Variants in PRKN observed in about 807,000 individuals in gnomAD.
PRKN encodes the protein E3 ubiquitin-protein ligase parkin.
In PRKN, 56 loss-of-function variants were observed where a neutral mutation model predicts 59.5. The observed-to-expected ratio is 0.94, with a 90% CI of 0.76 to 1.18. The LOEUF (loss-of-function observed/expected upper bound fraction) is 1.18, where lower values mean the gene tolerates loss of function less well. PRKN is among the 50% of genes most tolerant of loss of function. PRKN has a pLI of 0.00. For synonymous variants in PRKN, 250 were observed against 222.1 expected (o/e 1.13, Z -1.12); for missense variants, 657 against 596.4 (o/e 1.10, Z -1.06).
chr6:161,523,453 C>A (rs1177928639), intron 9 of PRKN, among the ~76,000 whole-genome samples: 20 of 152,158 alleles, frequency 1.3e-4, no homozygotes, highest in Admixed American at 1.3e-3. Flanking sequence ...AAAAGTGACA[C>A]AGTAGATTCA....
At chr6:161,745,680 T>C (rs1788384178) in intron 7 of PRKN, among the ~76,000 whole-genome samples, 1 of 152,122 alleles carries the variant, frequency 6.6e-6, no homozygotes, top group Non-Finnish European at 1.5e-5. Flanking sequence ...TGAAATCCAG[T>C]AGACTTTCCA....
rs991201332 is a variant in PRKN, at chr6:161,575,749, G to A, written c.872-6333C>T. Among the ~76,000 whole-genome samples, 2 of 152,160 alleles carry A rather than the reference G, an allele frequency of 1.3e-5. No individual in the cohort carries two copies. Among genetic ancestry groups the A allele is most frequent in the Admixed American group, 6.5e-5 (1 of 15,284 alleles). On this transcript the variant is annotated intron_variant, in intron 7 of 11. Coordinates refer to ENST00000366898, the MANE Select transcript of PRKN (RefSeq NM_004562.3). This position sits in a 1 kb window ranked among gnomAD's most constrained non-coding sequence, Gnocchi z 4.6. ...AATCTGCAATTTGCAGATTGCTGCT[G>A]TTTGGTGCGAAACGCTTTGAGGATT...
intron 1 of PRKN, among the ~76,000 whole-genome samples, chr6:162,583,423 G>C (rs1314971972): frequency 5.3e-5 from 8 of 152,260 alleles, no homozygotes; most frequent in African/African-American, 1.9e-4. Context: ...TTCATTCCTG[G>C]AGTCACTTTT....
chr6:162,516,982 G>A (rs1056700626), intron 1 of PRKN, among the ~76,000 whole-genome samples: 2 of 151,946 alleles, frequency 1.3e-5, no homozygotes, highest in Admixed American at 1.3e-4. Context: ...GTAAATAAAT[G>A]GATAAAAGAG....
intron 4 of PRKN, among the ~76,000 whole-genome samples, chr6:162,195,994 G>C (rs746126277): frequency 6.6e-6 from 1 of 152,130 alleles, no homozygotes; most frequent in Non-Finnish European, 1.5e-5. Flanking sequence ...TCTATAAAAA[G>C]CCTTACTATA....
intron 4 of PRKN, among the ~76,000 whole-genome samples, chr6:162,149,914 A>C (rs935371197): frequency 3.9e-5 from 6 of 152,188 alleles, no homozygotes; most frequent in Non-Finnish European, 8.8e-5. Context: ...TTCCTGATAA[A>C]TAAACCCCCA....
chr6:161,790,656 G>T (rs1790602347), intron 6 of PRKN, among the ~76,000 whole-genome samples: 1 of 152,100 alleles, frequency 6.6e-6, no homozygotes, highest in South Asian at 2.1e-4. Context: ...AGGAAGTGGG[G>T]ATCTCACCAG....
chr6:162,433,299 G>A lies in PRKN; in HGVS notation c.171+10011C>T, dbSNP rs187051028. 3.4e-4 allele frequency among the ~76,000 whole-genome samples: 51 copies of A among 152,210 alleles called. No individual in the cohort carries two copies. In the East Asian group the frequency reaches 9.7e-3, roughly 29 times the overall value. On this transcript the variant is annotated intron_variant, in intron 2 of 11. Coordinates refer to ENST00000366898, the MANE Select transcript of PRKN (RefSeq NM_004562.3). ...ATAGATCAGAAAAATAAAGACTGGA[G>A]AGCTTAAATGACTTGTCCTTCCCAG...
rs34342732 is a variant in PRKN, at chr6:161,497,554, GTCTCTC to G, written c.1083+51294_1083+51299del. Reference sequence around the variant, plus strand: ...CTGTGTGTGTGCACAGTGCTTACATGTCTCTCTCTCTCTCTCTCTCTCTCACACACA... The same window carrying G: ...CTGTGTGTGTGCACAGTGCTTACATGTCTCTCTCTCTCTCTCTCACACACA... On this transcript the variant is annotated intron_variant, in intron 9 of 11. Coordinates refer to ENST00000366898, the MANE Select transcript of PRKN (RefSeq NM_004562.3). The surrounding 1 kb of genome is among the most constrained non-coding windows in gnomAD (Gnocchi z 4.6). 0.11 allele frequency among the ~76,000 whole-genome samples: 15,781 copies of G among 148,604 alleles called. 1,080 individuals carry two copies. The highest frequency in any genetic ancestry group is 0.2 in the African/African-American group (8,203 of 40,152).
At chr6:162,496,601 G>A (rs1445937651) in intron 1 of PRKN, among the ~76,000 whole-genome samples, 1 of 152,148 alleles carries the variant, frequency 6.6e-6, no homozygotes, top group African/African-American at 2.4e-5. Context: ...AACACATACA[G>A]AATAGGAAAG....
intron 6 of PRKN, among the ~76,000 whole-genome samples, chr6:161,810,310 C>T (rs969254132): frequency 6.6e-6 from 1 of 152,160 alleles, no homozygotes; most frequent in African/African-American, 2.4e-5. Flanking sequence ...TCTTGGGCTT[C>T]TGGTCTGTGA....
At position 161,357,288 on chromosome 6, in the gene PRKN, G is replaced by C. The variant is rs899354834; in HGVS notation, c.1285+2800C>G. On this transcript the variant is annotated intron_variant, in intron 11 of 11. Transcript: ENST00000366898. The surrounding 1 kb of genome is among the most constrained non-coding windows in gnomAD (Gnocchi z 5.5). ...GCTGGTCTCGAACTCCTGACCTCAGGTGATCCGCCTGCCTTGGCCTCCCAA... is the reference window on the plus strand; with the variant it reads ...GCTGGTCTCGAACTCCTGACCTCAGCTGATCCGCCTGCCTTGGCCTCCCAA... 2.0e-5 allele frequency among the ~76,000 whole-genome samples: 3 copies of C among 152,148 alleles called. No homozygotes were observed. The highest frequency in any genetic ancestry group is 7.2e-5 in the African/African-American group (3 of 41,426).
intron 1 of PRKN, among the ~76,000 whole-genome samples, chr6:162,556,342 GGTGTGTGTGTGTGTGTGT>G (rs202002846): frequency 5.1e-4 from 29 of 57,304 alleles, no homozygotes; most frequent in East Asian, 7.5e-4. Context: ...CTACTCAGCT[GGTGTGTGTGTGTGTGTGT>G]GTGTGTGTGT....
chr6:161,897,525 G>C (rs567783788), intron 6 of PRKN, among the ~76,000 whole-genome samples: 1 of 152,260 alleles, frequency 6.6e-6, no homozygotes, highest in South Asian at 2.1e-4. Context: ...TGATTGATTA[G>C]ACTGCTTACC....
chr6:162,581,965 T>G (rs566548300), intron 1 of PRKN, among the ~76,000 whole-genome samples: 3 of 152,296 alleles, frequency 2.0e-5, no homozygotes, highest in African/African-American at 7.2e-5. Flanking sequence ...TTCCCTCACA[T>G]GACCTCTCTC....
intron 1 of PRKN, among the ~76,000 whole-genome samples, chr6:162,700,732 T>C (rs1778123592): frequency 6.6e-6 from 1 of 152,074 alleles, no homozygotes; most frequent in Non-Finnish European, 1.5e-5. Flanking sequence ...ATTTCCTAAC[T>C]ATCCTCAACA....
chr6:162,491,513 G>T lies in PRKN; in HGVS notation c.8-48040C>A, dbSNP rs143340005. ...CAGCCACTGCCTGCAGCTGCGCCCA[G>T]ACAGCACCTGACTGCAGTTGCCGTG... On this transcript the variant is annotated intron_variant, in intron 1 of 11. Transcript: ENST00000366898. Among the ~76,000 whole-genome samples, 257 of 152,260 alleles carry T rather than the reference G, an allele frequency of 1.7e-3. 3 individuals are homozygous for T. Among genetic ancestry groups the T allele is most frequent in the African/African-American group, 5.6e-3 (233 of 41,582 alleles).
At chr6:162,025,014 AT>A (rs753238837) in intron 5 of PRKN, among the ~76,000 whole-genome samples, 2,211 of 130,930 alleles carry the variant, frequency 0.017, 13 homozygotes, top group African/African-American at 0.053. Flanking sequence ...TCCAGATTGT[AT>A]TTTTTTTTTT....
intron 6 of PRKN, among the ~76,000 whole-genome samples, chr6:161,793,362 T>C (rs984303850): frequency 6.6e-6 from 1 of 152,134 alleles, no homozygotes; most frequent in Non-Finnish European, 1.5e-5. Flanking sequence ...CCCTGTTTTA[T>C]CCAGTCCACT....
Sources: allele counts gnomAD v4.1 joint callset (sites outside exome capture counted in the v4.1 genomes callset), GRCh38; gene constraint gnomAD v4.1.1; non-coding constraint Gnocchi (gnomAD v3.1); transcripts MANE v1.5; gene names NCBI Gene and HGNC (gene_info 2026-07-23, HGNC 2026-07-21).